RAB40B: variants seen among roughly 807,000 people sequenced by gnomAD.
RAB40B encodes the protein RAB40B, member RAS oncogene family.
RAB40B carries 21 observed loss-of-function variants against 24.0 expected under a neutral mutation model. The observed-to-expected ratio is 0.88, with a 90% CI of 0.62 to 1.26. The LOEUF is 1.26. RAB40B is among the 50% of genes most tolerant of loss of function. RAB40B has a pLI of 0.00. For synonymous variants in RAB40B, 167 were observed against 169.8 expected (o/e 0.98, Z 0.13); for missense variants, 348 against 390.5 (o/e 0.89, Z 0.92).
In RAB40B at chr17:82,697,707, C is replaced by T. The variant is rs143867346; in HGVS notation, c.142+748G>A. On this transcript the variant is annotated intron_variant, in intron 1 of 5. Coordinates refer to ENST00000571995, the MANE Select transcript of RAB40B (RefSeq NM_006822.3). The surrounding 1 kb of genome is among the most constrained non-coding windows in gnomAD (Gnocchi z 4.9). ...GTTCCTGCCCCCGCCTTTCTTTCCC[C>T]GGAGCCGTCCACCCCCTCGCCGGGC... Among the ~76,000 whole-genome samples the T allele has an allele frequency of 5.4e-3, 822 of 152,318 alleles. 5 individuals carry two copies. Among genetic ancestry groups the T allele is most frequent in the African/African-American group, 0.019 (783 of 41,560 alleles).
At chr17:82,695,667 C>T (rs1175126985) in intron 1 of RAB40B, among the ~76,000 whole-genome samples, 1 of 151,426 alleles carries the variant, frequency 6.6e-6, no homozygotes, top group Non-Finnish European at 1.5e-5. Context: ...TCTGCAATCA[C>T]ACCACTGCAC....
intron 2 of RAB40B, chr17:82,662,501 C>T (rs1598295897): frequency 3.0e-6 from 3 of 985,290 alleles, no homozygotes; most frequent in Non-Finnish European, 3.6e-6. Context: ...GAGCCCAACC[C>T]CAGCCCCAGT....
At position 82,667,817 on chromosome 17, in the gene RAB40B, C is replaced by T. The variant is rs963768501; in HGVS notation, c.143-3261G>A. 2.6e-5 allele frequency among the ~76,000 whole-genome samples: 4 copies of T among 152,188 alleles called. No homozygotes were observed. Among genetic ancestry groups the T allele is most frequent in the Admixed American group, 6.5e-5 (1 of 15,278 alleles). On this transcript the variant is annotated intron_variant, in intron 1 of 5. Transcript: ENST00000571995. This position sits in a 1 kb window ranked among gnomAD's most constrained non-coding sequence, Gnocchi z 4.3. The stretch of plus-strand genomic sequence containing the variant: ...GCCCCGTGATGAGGCTCAGACAGAG[C>T]GGCCAAGCAGTCCCCTGACCCACCC...
intron 3 of RAB40B, chr17:82,659,893 G>A (rs2046140315): frequency 1.9e-6 from 1 of 514,122 alleles, no homozygotes; most frequent in Admixed American, 3.2e-5. Context: ...ACACCCACGA[G>A]CCACTCCAGG....
At chr17:82,677,655 C>A (rs559538048) in intron 1 of RAB40B, among the ~76,000 whole-genome samples, 2 of 152,236 alleles carry the variant, frequency 1.3e-5, no homozygotes, top group African/African-American at 4.8e-5. Flanking sequence ...GTCCACCACC[C>A]GTCTCCAGGG....
chr17:82,658,799 AC>A, intron 4 of RAB40B, 86 bp from the exon 5 acceptor site: 5 of 1,237,268 alleles, frequency 4.0e-6, no homozygotes, highest in South Asian at 1.5e-5. Flanking sequence ...GGGTCGAGGA[AC>A]CCCCCACGAG....
intron 1 of RAB40B, among the ~76,000 whole-genome samples, chr17:82,696,204 C>T (rs1243838954): frequency 1.3e-5 from 2 of 152,156 alleles, no homozygotes; most frequent in East Asian, 1.9e-4. Flanking sequence ...ATCCTCCCTC[C>T]GTGTCAAGGG....
At position 82,663,526 on chromosome 17, in the gene RAB40B, G is replaced by A. The variant is rs1436875235; in HGVS notation, c.203+970C>T. Among the ~76,000 whole-genome samples, 1 of 152,124 alleles carries A rather than the reference G, an allele frequency of 6.6e-6. No homozygotes were observed. Among genetic ancestry groups the A allele is most frequent in the African/African-American group, 2.4e-5 (1 of 41,428 alleles). ...TGTTCCAAGCTGGCCCCAAGGTGGG[G>A]GTGCTGGGGGAGGGAGAGGTGCCCC... On this transcript the variant is annotated intron_variant, in intron 2 of 5. Transcript: ENST00000571995. This position sits in a 1 kb window ranked among gnomAD's most constrained non-coding sequence, Gnocchi z 6.2.
chr17:82,662,629 G>T, intron 2 of RAB40B: 1 of 985,322 alleles, frequency 1.0e-6, no homozygotes, highest in Non-Finnish European at 1.2e-6. Context: ...GTGTGACCTT[G>T]CTCAGACGAC....
At chr17:82,679,257 C>CTTA (rs542700983) in intron 1 of RAB40B, among the ~76,000 whole-genome samples, 2,188 of 150,202 alleles carry the variant, frequency 0.015, 41 homozygotes, top group African/African-American at 0.04. Context: ...CACCACAAGC[C>CTTA]TTATTATTAT....
intron 1 of RAB40B, among the ~76,000 whole-genome samples, chr17:82,674,495 C>T (rs1225694150): frequency 4.7e-5 from 7 of 148,338 alleles, no homozygotes; most frequent in African/African-American, 7.4e-5. Flanking sequence ...AAAAATTAGC[C>T]GGGTGTGGTG....
rs1406948312 is a variant in RAB40B, at chr17:82,655,048, A to G, written c.*2815T>C. 1 of 152,140 alleles carries G rather than the reference A, an allele frequency of 6.6e-6. No individual in the cohort carries two copies. Among genetic ancestry groups the G allele is most frequent in the Non-Finnish European group, 1.5e-5 (1 of 68,028 alleles). The allele number at this position is 152,140 out of a possible 1,614,324, so 9.4% of individuals were successfully genotyped here. ...CAGTCTTCTACTTAGTCCGGTCTGT[A>G]TTAGGTTTCGTCTGTTTTTGTTCTG... is the stretch of plus-strand genomic sequence containing the variant. On this transcript the variant is annotated 3_prime_UTR_variant, in exon 6 of 6. Coordinates refer to ENST00000571995, the MANE Select transcript of RAB40B (RefSeq NM_006822.3).
chr17:82,661,279 A>G (rs928126131), intron 2 of RAB40B: 27 of 1,314,772 alleles, frequency 2.1e-5, no homozygotes, highest in South Asian at 4.5e-5. Context: ...AACTAGAAAA[A>G]ATAGTGACGG....
rs554649209 is a variant in RAB40B, at chr17:82,675,380, C to T, written c.143-10824G>A. On this transcript the variant is annotated intron_variant, in intron 1 of 5. Transcript: ENST00000571995. This position sits in a 1 kb window ranked among gnomAD's most constrained non-coding sequence, Gnocchi z 4.5. ...AGGACAATGACAGCCGCCTGTCTGA[C>T]GTGGTCTCCACCAAGCGCTGGCTTC... Among the ~76,000 whole-genome samples, 50 of 152,316 alleles carry T rather than the reference C, an allele frequency of 3.3e-4. 2 individuals are homozygous for T. In the Middle Eastern group the frequency reaches 0.02, roughly 62 times the overall value.
intron 5 of RAB40B, 28 bp downstream of exon 5, chr17:82,658,463 T>G: frequency 6.2e-7 from 1 of 1,606,766 alleles, no homozygotes; most frequent in Non-Finnish European, 8.5e-7. Flanking sequence ...AGGGCAGAGG[T>G]GGCCCCCGGA....
intron 1 of RAB40B, among the ~76,000 whole-genome samples, chr17:82,690,487 T>G (rs2046545941): frequency 7.3e-6 from 1 of 137,318 alleles, no homozygotes; most frequent in African/African-American, 2.9e-5. Flanking sequence ...TGCACGTGTG[T>G]TGCCGGGGAG....
chr17:82,671,043 C>T (rs954117520), intron 1 of RAB40B, among the ~76,000 whole-genome samples: 1 of 151,994 alleles, frequency 6.6e-6, no homozygotes, highest in Non-Finnish European at 1.5e-5. Flanking sequence ...AACATACTTA[C>T]ATTCCTACTT....
intron 1 of RAB40B, among the ~76,000 whole-genome samples, chr17:82,686,867 G>A (rs982275315): frequency 2.6e-5 from 4 of 152,160 alleles, no homozygotes; most frequent in African/African-American, 9.7e-5. Flanking sequence ...GTGCTGGGGG[G>A]AAGGATGCTC....
intron 1 of RAB40B, among the ~76,000 whole-genome samples, chr17:82,674,227 C>A (rs749016211): frequency 1.3e-5 from 2 of 151,940 alleles, no homozygotes; most frequent in African/African-American, 4.8e-5. Flanking sequence ...GTAATCCCAG[C>A]CACTCAGGAG....
Sources: gnomAD v4.1 joint callset for allele counts (sites outside exome capture counted in the v4.1 genomes callset) on GRCh38, gnomAD v4.1.1 for gene constraint, Gnocchi (gnomAD v3.1) non-coding constraint, MANE v1.5 for transcripts, NCBI Gene and HGNC (gene_info 2026-07-23, HGNC 2026-07-21) for gene names.